The following NCOA6 variants were observed in gnomAD, a reference collection of about 807,000 sequenced individuals.
The protein encoded by NCOA6 is nuclear receptor coactivator 6, also known as NRC RAP250.
In NCOA6, 49 loss-of-function variants were observed where a neutral mutation model predicts 171.4. The ratio of observed to expected loss-of-function variants is 0.29; its 90% CI spans 0.23 to 0.36. NCOA6 has a LOEUF of 0.36. Ranked by LOEUF, NCOA6 falls within the 10% of genes least tolerant of loss-of-function variation. The pLI is 1.00. For missense variants in NCOA6, 2,248 were observed against 2,554.5 expected (o/e 0.88, Z 2.59); for synonymous variants, 910 against 927.5 (o/e 0.98, Z 0.34).
chr20:34,749,359 G>C, intron 9 of NCOA6, 44 bp downstream of exon 9: 2 of 1,543,894 alleles, frequency 1.3e-6, no homozygotes, highest in African/African-American at 1.4e-5. Flanking sequence ...TATCCACACA[G>C]AAAACAAATG....
At chr20:34,769,566 G>A (rs543850420) in intron 4 of NCOA6, among the ~76,000 whole-genome samples, 36 of 152,124 alleles carry the variant, frequency 2.4e-4, no homozygotes, top group African/African-American at 7.2e-4. Context: ...GTTTCACCAC[G>A]TTGGCCAGGC....
chr20:34,738,008 C>T (rs186032337), intron 11 of NCOA6, among the ~76,000 whole-genome samples: 8 of 152,304 alleles, frequency 5.3e-5, no homozygotes, highest in African/African-American at 1.7e-4. Context: ...AAGCAATCCT[C>T]CCACCTCAGC....
intron 14 of NCOA6, among the ~76,000 whole-genome samples, chr20:34,717,511 A>G (rs1988760621): frequency 6.6e-6 from 1 of 152,220 alleles, no homozygotes; most frequent in African/African-American, 2.4e-5. Flanking sequence ...GGTGCCCAGT[A>G]CAGTAATTTC....
chr20:34,776,748 T>C (rs1349047902), intron 3 of NCOA6: 1 of 504,754 alleles, frequency 2.0e-6, no homozygotes, highest in Non-Finnish European at 3.8e-6. Context: ...GCAAAAAATC[T>C]AGCATAGTAC....
chr20:34,781,218 C>G (rs1228141350), intron 3 of NCOA6, among the ~76,000 whole-genome samples: 1 of 152,060 alleles, frequency 6.6e-6, no homozygotes. Context: ...GTCCAGATAA[C>G]AAATCTCAAA....
In NCOA6 at chr20:34,776,447, C is replaced by T; in HGVS notation, c.237G>A (p.Glu79=). Reference sequence around the variant, plus strand: ...CCTTCTGTACTTTTAGCTTGCTGGACTCTTGATTGTGAAAGAAAAAGAATT... The same window carrying T: ...CCTTCTGTACTTTTAGCTTGCTGGATTCTTGATTGTGAAAGAAAAAGAATT... ...LKNVPNLLHM[E]SSKLKVQKVE... Residue 79 remains glutamate, a splice_region_variant and synonymous_variant, in exon 4 of 15, where the codon GAG becomes GAA. Coordinates refer to ENST00000359003, the MANE Select transcript of NCOA6 (RefSeq NM_014071.5). 1 of 1,613,374 alleles carries T rather than the reference C, an allele frequency of 6.2e-7. No homozygotes were observed. The highest frequency in any genetic ancestry group is 8.5e-7 in the Non-Finnish European group (1 of 1,179,794).
At chr20:34,783,182 G>A (rs1255494736) in intron 2 of NCOA6, among the ~76,000 whole-genome samples, 1 of 152,068 alleles carries the variant, frequency 6.6e-6, no homozygotes, top group African/African-American at 2.4e-5. Flanking sequence ...TAGGGAGGCT[G>A]AGGCAGGAGA....
rs780352134 is a variant in NCOA6, at chr20:34,740,680, G to C, written c.5576C>G (p.Thr1859Ser). Residue 1859 changes from threonine (T) to serine (S), a missense_variant, in exon 11 of 15, where the codon ACC becomes AGC. This residue lies in a region of NCOA6 where 884 missense variants were observed against 941.9 expected (regional missense o/e 0.94). Transcript: ENST00000359003. ...TGTTCCCATGAGCCCCGGAGCTGTG[G>C]TGTCTAGCCCTTGGCCTTCAGTCTC... The part of the protein sequence containing the change: ...DGETEGQGLD[T>S]TAPGLMGTEQ... The C allele has an allele frequency of 2.4e-5, 38 of 1,614,088 alleles. No homozygotes were observed. Among genetic ancestry groups the C allele is most frequent in the Non-Finnish European group, 2.7e-5 (32 of 1,180,042 alleles).
At chr20:34,809,839 A>T (rs1601130878) in intron 1 of NCOA6, among the ~76,000 whole-genome samples, 1 of 152,170 alleles carries the variant, frequency 6.6e-6, no homozygotes, top group African/African-American at 2.4e-5. Flanking sequence ...ATGGTGGCGC[A>T]CTCCTGTAGT....
intron 1 of NCOA6, among the ~76,000 whole-genome samples, chr20:34,813,556 G>A (rs1351563981): frequency 6.6e-6 from 1 of 152,012 alleles, no homozygotes; most frequent in Non-Finnish European, 1.5e-5. Flanking sequence ...GTTTTGTTAG[G>A]TGTTAATAAT....
chr20:34,770,208 T>G (rs2077106295), intron 4 of NCOA6, among the ~76,000 whole-genome samples: 1 of 152,048 alleles, frequency 6.6e-6, no homozygotes, highest in South Asian at 2.1e-4. Context: ...AGCAGCTAAT[T>G]TTTGTATTTT....
At chr20:34,805,278 A>G (rs1327812164) in intron 1 of NCOA6, among the ~76,000 whole-genome samples, 1 of 152,102 alleles carries the variant, frequency 6.6e-6, no homozygotes. Context: ...CCTGGGCTCA[A>G]GCAATCCACC....
chr20:34,795,717 T>C (rs184955291), intron 1 of NCOA6, among the ~76,000 whole-genome samples: 235 of 152,330 alleles, frequency 1.5e-3, no homozygotes, highest in African/African-American at 4.0e-3. Context: ...TTTGAAATAA[T>C]TTTTTAGGCA....
chr20:34,768,577 G>A lies in NCOA6; in HGVS notation c.401C>T (p.Ala134Val), dbSNP rs2077049655. The change falls in exon 5 of 15, where the codon GCT (alanine) becomes GTT (valine). Residue 134 changes from alanine (A) to valine (V), a missense_variant. Ala to Val is a moderately conservative substitution (Grantham distance 64). Coordinates refer to ENST00000359003, the MANE Select transcript of NCOA6 (RefSeq NM_014071.5). ...ILSVQIEGEG[A>V]INLALAQNRS... Reference sequence around the variant, plus strand: ...GTTCTGAGCCAAAGCCAGGTTAATAGCACCTTCCCCTGAAAATGAGTCAAG... The same window carrying A: ...GTTCTGAGCCAAAGCCAGGTTAATAACACCTTCCCCTGAAAATGAGTCAAG... 1 of 1,613,112 alleles carries A rather than the reference G, an allele frequency of 6.2e-7. No individual in the cohort carries two copies. Among genetic ancestry groups the A allele is most frequent in the African/African-American group, 1.3e-5 (1 of 74,860 alleles).
chr20:34,731,648 A>T (rs1568722993), intron 13 of NCOA6, among the ~76,000 whole-genome samples: 1 of 152,234 alleles, frequency 6.6e-6, no homozygotes, highest in Non-Finnish European at 1.5e-5. Flanking sequence ...ATGAAGATTA[A>T]ATGAAAAAAA....
rs533091422 is a variant in NCOA6 at position 34,731,520 on chromosome 20, C to T, written c.5999+1039G>A. Among the ~76,000 whole-genome samples, 264 of 152,292 alleles carry T rather than the reference C, an allele frequency of 1.7e-3. 3 individuals carry two copies. Among genetic ancestry groups the T allele is most frequent in the Middle Eastern group, 3.4e-3 (1 of 294 alleles). ...ACAGAATTTACTTTCCTAATAGATA[C>T]TGTGAAAATTAGATGAGATAACACA... On this transcript the variant is annotated intron_variant, in intron 13 of 14. Transcript: ENST00000359003.
intron 3 of NCOA6, among the ~76,000 whole-genome samples, chr20:34,781,041 A>C (rs2077502475): frequency 6.6e-6 from 1 of 152,242 alleles, no homozygotes; most frequent in African/African-American, 2.4e-5. Flanking sequence ...ATGAAGAGCA[A>C]TGAACAATTT....
At chr20:34,788,327 G>C (rs2077753383) in intron 2 of NCOA6, among the ~76,000 whole-genome samples, 1 of 152,138 alleles carries the variant, frequency 6.6e-6, no homozygotes, top group Non-Finnish European at 1.5e-5. Context: ...GCCTCCCAAA[G>C]TGTTGGGATT....
chr20:34,757,966 T>A lies in NCOA6; in HGVS notation c.782A>T (p.Gln261Leu). Residue 261 changes from glutamine (Q) to leucine (L), a missense_variant, in exon 7 of 15, where the codon CAG becomes CTG. Gln to Leu is a moderately radical substitution (Grantham distance 113). Coordinates refer to ENST00000359003, the MANE Select transcript of NCOA6 (RefSeq NM_014071.5). Reference protein sequence around the residue: ...QMNPANFPQLQQQQQQQQQQQ... With the variant: ...QMNPANFPQLLQQQQQQQQQQ... ...CTGTTGTTGTTGTTGCTGCTGCTGC[T>A]GCAGCTGGGGAAAATTAGCTGGGTT... The A allele has an allele frequency of 1.2e-6, 2 of 1,614,128 alleles. No individual in the cohort carries two copies. Among genetic ancestry groups the A allele is most frequent in the African/African-American group, 1.3e-5 (1 of 75,034 alleles).
Sources: allele counts gnomAD v4.1 joint callset (sites outside exome capture counted in the v4.1 genomes callset), GRCh38; gene constraint gnomAD v4.1.1; regional missense constraint gnomAD v4.1.1; transcripts MANE v1.5; gene names NCBI Gene and HGNC (gene_info 2026-07-23, HGNC 2026-07-21).